Variants in EMC8 observed in about 807,000 individuals in gnomAD.
EMC8 encodes ER membrane protein complex subunit 8, also known as COX4 neighbor.
EMC8 carries 11 observed loss-of-function variants against 24.3 expected under a neutral mutation model. That is an observed-to-expected ratio of 0.45 (90% CI 0.28 to 0.75). The LOEUF is 0.75. Ranked by LOEUF, EMC8 falls within the 30% of genes least tolerant of loss-of-function variation. The pLI, the probability that EMC8 is intolerant of heterozygous loss-of-function variation, is 0.12. For synonymous variants in EMC8, 145 were observed against 117.7 expected (o/e 1.23, Z -1.50); for missense variants, 277 against 282.7 (o/e 0.98, Z 0.14).
intron 2 of EMC8, 144 bp from the exon 3 acceptor site, chr16:85,781,424 T>C: frequency 1.6e-6 from 1 of 625,784 alleles, no homozygotes; most frequent in Non-Finnish European, 2.9e-6. Flanking sequence ...CTTCGCTGGT[T>C]TACTTATTAT....
In EMC8 at chr16:85,779,764, T is replaced by C; in HGVS notation, c.577A>G (p.Ile193Val). The C allele has an allele frequency of 6.2e-7, 1 of 1,614,262 alleles. No homozygotes were observed. Residue 193 changes from isoleucine to valine, a missense_variant, in exon 5 of 5, where the codon ATT (isoleucine) becomes GTT (valine). By Grantham distance (29) the Ile-to-Val change is conservative. Coordinates refer to ENST00000253457, the MANE Select transcript of EMC8 (RefSeq NM_006067.5). Reference sequence around the variant, plus strand: ...TCTGGGTTTGTCCAGTCATTCCGAATGTCATCCAGGTGGTTATCGAAATCC... The same window carrying C: ...TCTGGGTTTGTCCAGTCATTCCGAACGTCATCCAGGTGGTTATCGAAATCC... ...LVDFDNHLDD[I>V]RNDWTNPEIN...
intron 2 of EMC8, among the ~76,000 whole-genome samples, chr16:85,782,752 C>A (rs967884535): frequency 1.3e-5 from 2 of 150,186 alleles, no homozygotes; most frequent in Admixed American, 1.3e-4. Context: ...AAGACTGCTA[C>A]CCCCTCAAAA....
intron 1 of EMC8, 125 bp from the exon 2 acceptor site, chr16:85,789,175 T>C: frequency 2.8e-6 from 2 of 713,628 alleles, no homozygotes; most frequent in Non-Finnish European, 2.5e-6. Flanking sequence ...CCTCATACCC[T>C]ACACCCCAGA....
At chr16:85,791,477 G>A (rs375520228) in intron 1 of EMC8, among the ~76,000 whole-genome samples, 3 of 152,042 alleles carry the variant, frequency 2.0e-5, no homozygotes, top group African/African-American at 4.8e-5. Flanking sequence ...CTCGCTCCCC[G>A]GCTCTGACAG....
chr16:85,785,815 A>C (rs1300775327), intron 2 of EMC8, among the ~76,000 whole-genome samples: 1 of 152,160 alleles, frequency 6.6e-6, no homozygotes, highest in African/African-American at 2.4e-5. Flanking sequence ...CACCCTCAAC[A>C]GCACCATGTC....
At chr16:85,782,064 C>A (rs1250390419) in intron 2 of EMC8, among the ~76,000 whole-genome samples, 1 of 152,198 alleles carries the variant, frequency 6.6e-6, no homozygotes, top group Non-Finnish European at 1.5e-5. Flanking sequence ...CATCTCCTAA[C>A]GGAAGGCTCC....
intron 1 of EMC8, among the ~76,000 whole-genome samples, chr16:85,793,679 T>C (rs1012285636): frequency 3.3e-4 from 50 of 152,154 alleles, no homozygotes; most frequent in African/African-American, 1.1e-3. Flanking sequence ...CCTGAAATCA[T>C]GGTGATGAGG....
rs1048212713 is a variant in EMC8, at chr16:85,778,748, T to C, written c.*960A>G. On this transcript the variant is annotated 3_prime_UTR_variant, in exon 5 of 5. Coordinates refer to ENST00000253457, the MANE Select transcript of EMC8 (RefSeq NM_006067.5). ...GGTCACACCGATCGTTACAAATTCC[T>C]CCATGGAGTCAAAGAAAAGACAGTA... is the stretch of plus-strand genomic sequence containing the variant. 6.6e-6 allele frequency: 1 copy of C among 152,200 alleles called. No individual in the cohort carries two copies. Among genetic ancestry groups the C allele is most frequent in the African/African-American group, 2.4e-5 (1 of 41,460 alleles). 9.4% of individuals were successfully genotyped at this position (152,200 alleles called of 1,614,324 possible).
chr16:85,784,399 A>G (rs1904653845), intron 2 of EMC8: 1 of 152,272 alleles, frequency 6.6e-6, no homozygotes, highest in Admixed American at 6.5e-5. Flanking sequence ...ATTAGGCTAA[A>G]AAAAATTAAT....
chr16:85,785,264 AAAG>A (rs1484071500), intron 2 of EMC8, among the ~76,000 whole-genome samples: 1 of 152,186 alleles, frequency 6.6e-6, no homozygotes, highest in East Asian at 1.9e-4. Context: ...TATTATTTTA[AAAG>A]AAGTCTAAAA....
In EMC8 at chr16:85,780,243, C is replaced by T. The variant is rs1041957601; in HGVS notation, c.473+136G>A. On this transcript the variant is annotated intron_variant, in intron 4 of 4. Coordinates refer to ENST00000253457, the MANE Select transcript of EMC8 (RefSeq NM_006067.5). ...GGAAGCGCTGGAACACTGGGGCCTA[C>T]AGGAGCCGGGGAATATGCTTGGTAT... 5.8e-6 allele frequency: 4 copies of T among 685,854 alleles called. No homozygotes were observed. The East Asian group carries it at 8.1e-5, about 14-fold the overall frequency. The allele number at this position is 685,854 out of a possible 1,614,324, so 42.5% of individuals were successfully genotyped here.
At chr16:85,785,495 A>C (rs1904712536) in intron 2 of EMC8, among the ~76,000 whole-genome samples, 2 of 152,174 alleles carry the variant, frequency 1.3e-5, no homozygotes, top group Admixed American at 6.5e-5. Context: ...CTTTGAACCC[A>C]GGAGGTGGAG....
rs781506001 is a variant in EMC8 at position 85,780,425 on chromosome 16, C to T, written c.427G>A (p.Val143Met). Reference protein sequence around the residue: ...TMDCVAPTIHVYEHHENRWRC... With the variant: ...TMDCVAPTIHMYEHHENRWRC... Reference sequence around the variant, plus strand: ...CATCTGTTCTCATGGTGCTCGTACACGTGGATCGTAGGCGCTACGCAGTCC... The same window carrying T: ...CATCTGTTCTCATGGTGCTCGTACATGTGGATCGTAGGCGCTACGCAGTCC... The change falls in exon 4 of 5, where the codon GTG (valine) becomes ATG (methionine). Residue 143 changes from valine (V) to methionine (M), a missense_variant. Transcript: ENST00000253457. 8.7e-6 allele frequency: 14 copies of T among 1,614,128 alleles called. No individual in the cohort carries two copies. Among genetic ancestry groups the T allele is most frequent in the African/African-American group, 1.3e-5 (1 of 74,946 alleles).
At chr16:85,795,573 G>C (rs1905215660) in intron 1 of EMC8, among the ~76,000 whole-genome samples, 1 of 152,038 alleles carries the variant, frequency 6.6e-6, no homozygotes, top group Non-Finnish European at 1.5e-5. Context: ...GTCCCCCCTA[G>C]ACCTCGGGGG....
intron 1 of EMC8, among the ~76,000 whole-genome samples, chr16:85,798,363 C>A (rs991271850): frequency 7.9e-5 from 12 of 151,980 alleles, no homozygotes; most frequent in African/African-American, 2.9e-4. Flanking sequence ...CTCAGGTGAT[C>A]CGCCTGCCTC....
intron 2 of EMC8, among the ~76,000 whole-genome samples, chr16:85,785,291 C>T (rs928835294): frequency 2.0e-5 from 3 of 152,054 alleles, no homozygotes; most frequent in Non-Finnish European, 2.9e-5. Flanking sequence ...TGTAGTTGGC[C>T]GGGTGTGGTG....
chr16:85,782,430 T>C (rs918657129), intron 2 of EMC8, among the ~76,000 whole-genome samples: 1 of 152,204 alleles, frequency 6.6e-6, no homozygotes, highest in African/African-American at 2.4e-5. Context: ...CACAAAGTTA[T>C]TCTTCTATCC....
chr16:85,779,777 G>A lies in EMC8; in HGVS notation c.564C>T (p.Asn188=). The A allele has an allele frequency of 2.5e-6, 4 of 1,614,238 alleles. No individual in the cohort carries two copies. The highest frequency in any genetic ancestry group is 1.3e-5 in the African/African-American group (1 of 75,070). ...RSYETLVDFD[N]HLDDIRNDWT... ...AGTCATTCCGAATGTCATCCAGGTGGTTATCGAAATCCACGAGCGTCTCGT... is the reference window on the plus strand; with the variant it reads ...AGTCATTCCGAATGTCATCCAGGTGATTATCGAAATCCACGAGCGTCTCGT... The change falls in exon 5 of 5, where the codon AAC becomes AAT. Residue 188 remains asparagine, a synonymous_variant. Coordinates refer to ENST00000253457, the MANE Select transcript of EMC8 (RefSeq NM_006067.5).
At chr16:85,781,074 A>T in intron 3 of EMC8, 137 bp downstream of exon 3, 1 of 642,200 alleles carries the variant, frequency 1.6e-6, no homozygotes, top group South Asian at 1.8e-5. Context: ...GCTGAGAGAA[A>T]ACTGCAAGAG....
Sources: gnomAD v4.1 joint callset for allele counts (sites outside exome capture counted in the v4.1 genomes callset) on GRCh38, gnomAD v4.1.1 for gene constraint, MANE v1.5 for transcripts, NCBI Gene and HGNC (gene_info 2026-07-23, HGNC 2026-07-21) for gene names.